Variants in LMO3 observed in about 807,000 individuals in gnomAD.
The protein encoded by LMO3 is LIM domain only 3.
In LMO3, 2 loss-of-function variants were observed where a neutral mutation model predicts 15.8. The observed-to-expected ratio is 0.13, with a 90% CI of 0.05 to 0.40. The LOEUF is 0.40. Ranked by LOEUF, LMO3 falls within the 10% of genes least tolerant of loss-of-function variation. The pLI is 0.99. For missense variants in LMO3, 86 were observed against 182.2 expected (o/e 0.47, Z 3.04); for synonymous variants, 62 against 63.8 (o/e 0.97, Z 0.13).
At chr12:16,575,688 G>A (rs947306659) in intron 2 of LMO3, among the ~76,000 whole-genome samples, 1 of 152,120 alleles carries the variant, frequency 6.6e-6, no homozygotes, top group Non-Finnish European at 1.5e-5. Context: ...TCCACACACT[G>A]AGCCATTTAG....
In LMO3 at chr12:16,581,549, G is replaced by C. The variant is rs529475846; in HGVS notation, c.206+19106C>G. On this transcript the variant is annotated intron_variant, in intron 2 of 3. Coordinates refer to ENST00000537304, the MANE Select transcript of LMO3 (RefSeq NM_018640.5). ...AGTTCCTATAACACTACCCATTATA[G>C]AGTAAATCCTCAAGAAATATTTGCC... 2.7e-4 allele frequency among the ~76,000 whole-genome samples: 41 copies of C among 152,202 alleles called. 1 individual carries two copies. In the South Asian group the frequency reaches 6.2e-3, roughly 23 times the overall value.
intron 2 of LMO3, among the ~76,000 whole-genome samples, chr12:16,565,804 A>G (rs895149978): frequency 1.3e-5 from 2 of 151,284 alleles, no homozygotes; most frequent in Non-Finnish European, 2.9e-5. Flanking sequence ...AAAAAATTAA[A>G]AACAGAACTA....
At chr12:16,565,845 T>TA (rs1942578647) in intron 2 of LMO3, among the ~76,000 whole-genome samples, 3 of 150,814 alleles carry the variant, frequency 2.0e-5, no homozygotes, top group Non-Finnish European at 4.4e-5. Context: ...ACTACTGGAT[T>TA]AAAAATCCCA....
intron 1 of LMO3, chr12:16,601,957 C>A (rs773328829): frequency 2.0e-5 from 3 of 152,124 alleles, no homozygotes; most frequent in Non-Finnish European, 4.4e-5. Flanking sequence ...TCATTTTAAG[C>A]ACTATAAAGT....
rs1207191270 is a variant in LMO3 at position 16,591,289 on chromosome 12, A to AATGTCCTT, written c.206+9358_206+9365dup. 1.3e-5 allele frequency among the ~76,000 whole-genome samples: 2 copies of AATGTCCTT among 151,888 alleles called. No individual in the cohort carries two copies. The highest frequency in any genetic ancestry group is 2.9e-5 in the Non-Finnish European group (2 of 67,948). The stretch of plus-strand genomic sequence containing the variant: ...TTGTACTGGATGTTCCTGAGCCCAG[A>AATGTCCTT]ATGTCCTTCCCATACGTGATCATGG... On this transcript the variant is annotated intron_variant, in intron 2 of 3. Transcript: ENST00000537304. The surrounding 1 kb of genome is among the most constrained non-coding windows in gnomAD (Gnocchi z 4.1).
At chr12:16,575,495 T>C (rs1044215779) in intron 2 of LMO3, among the ~76,000 whole-genome samples, 1 of 152,240 alleles carries the variant, frequency 6.6e-6, no homozygotes, top group East Asian at 1.9e-4. Context: ...AGAGCTAATG[T>C]TTATTGAGCC....
In LMO3 at chr12:16,582,982, G is replaced by T. The variant is rs1302321075; in HGVS notation, c.206+17673C>A. On this transcript the variant is annotated intron_variant, in intron 2 of 3. Coordinates refer to ENST00000537304, the MANE Select transcript of LMO3 (RefSeq NM_018640.5). This position sits in a 1 kb window ranked among gnomAD's most constrained non-coding sequence, Gnocchi z 4.1. ...AAATCTCTTGAAGCTGGGAGGCAGA[G>T]GTTGTAGTGAGCTGAGATCACTCCA... 6.6e-6 allele frequency among the ~76,000 whole-genome samples: 1 copy of T among 151,128 alleles called. No homozygotes were observed. Among genetic ancestry groups the T allele is most frequent in the African/African-American group, 2.4e-5 (1 of 41,076 alleles).
In LMO3 at chr12:16,579,155, C is replaced by G. The variant is rs1943085068; in HGVS notation, c.207-18617G>C. ...TTTTTTGAAGAGAACAACATGTTTT[C>G]TCTTCTAGCATTAAATTGTATATAT... On this transcript the variant is annotated intron_variant, in intron 2 of 3. Coordinates refer to ENST00000537304, the MANE Select transcript of LMO3 (RefSeq NM_018640.5). Among the ~76,000 whole-genome samples, 6 of 152,128 alleles carry G rather than the reference C, an allele frequency of 3.9e-5. No homozygotes were observed. In the South Asian group the frequency reaches 1.2e-3, roughly 32 times the overall value.
At chr12:16,605,558 A>G in intron 1 of LMO3, 1 of 621,010 alleles carries the variant, frequency 1.6e-6, no homozygotes, top group Middle Eastern at 4.5e-4. Context: ...AGATTGTAAT[A>G]TCAACTCTTT....
intron 2 of LMO3, among the ~76,000 whole-genome samples, chr12:16,571,172 T>C (rs1266725552): frequency 6.6e-6 from 1 of 152,106 alleles, no homozygotes; most frequent in Non-Finnish European, 1.5e-5. Flanking sequence ...GGGCATTGTG[T>C]CACCTATTGT....
At chr12:16,551,592 GC>G (rs1941991510) in intron 3 of LMO3, among the ~76,000 whole-genome samples, 1 of 144,694 alleles carries the variant, frequency 6.9e-6, no homozygotes, top group Non-Finnish European at 1.5e-5. Flanking sequence ...AAGATGACTT[GC>G]TTTTTTTTTT....
chr12:16,554,147 T>C (rs1311766089), intron 3 of LMO3, among the ~76,000 whole-genome samples: 1 of 152,212 alleles, frequency 6.6e-6, no homozygotes, highest in East Asian at 1.9e-4. Flanking sequence ...TGACTTCATA[T>C]AGTCTTAGAG....
intron 2 of LMO3, among the ~76,000 whole-genome samples, chr12:16,563,273 A>G (rs79095450): frequency 0.034 from 5,180 of 152,222 alleles, 303 homozygotes; most frequent in African/African-American, 0.12. Context: ...TTGTCCAAGG[A>G]TCAAGAGATC....
At chr12:16,601,062 A>G (rs1002210223) in intron 1 of LMO3, among the ~76,000 whole-genome samples, 194 bp from the exon 2 acceptor site, 5 of 152,220 alleles carry the variant, frequency 3.3e-5, no homozygotes, top group African/African-American at 1.2e-4. Flanking sequence ...AATCATTCAA[A>G]AAGTTACACA....
chr12:16,595,551 G>C (rs565343180), intron 2 of LMO3, among the ~76,000 whole-genome samples: 13 of 151,282 alleles, frequency 8.6e-5, no homozygotes, highest in African/African-American at 1.9e-4. Flanking sequence ...TAGTATAAAC[G>C]CTAAAATATT....
At chr12:16,601,103 T>G (rs1235007746) in intron 1 of LMO3, among the ~76,000 whole-genome samples, 1 of 152,196 alleles carries the variant, frequency 6.6e-6, no homozygotes, top group Non-Finnish European at 1.5e-5. Context: ...AAATTCATGT[T>G]GACCATGGTA....
chr12:16,587,166 T>G lies in LMO3; in HGVS notation c.206+13489A>C, dbSNP rs1002368183. Among the ~76,000 whole-genome samples, 1 of 152,182 alleles carries G rather than the reference T, an allele frequency of 6.6e-6. No individual in the cohort carries two copies. The highest frequency in any genetic ancestry group is 1.5e-5 in the Non-Finnish European group (1 of 68,026). ...ATAGCAATTGTGGGTGCTGCTGACC[T>G]GTCAATCTCAAATATATTCATAAGC... is the stretch of plus-strand genomic sequence containing the variant. On this transcript the variant is annotated intron_variant, in intron 2 of 3. Coordinates refer to ENST00000537304, the MANE Select transcript of LMO3 (RefSeq NM_018640.5). The surrounding 1 kb of genome is among the most constrained non-coding windows in gnomAD (Gnocchi z 4.3).
In LMO3 at chr12:16,560,493, G is replaced by A. The variant is rs767665466; in HGVS notation, c.252C>T (p.Ile84=). Reference sequence around the variant, plus strand: ...CACGCATCACCATCTCAAAGGCAGGGATGAGCTTACTACAGGCAGCGCAGT... The same window carrying A: ...CACGCATCACCATCTCAAAGGCAGGAATGAGCTTACTACAGGCAGCGCAGT... The part of the protein sequence containing the change: ...TGNCAACSKL[I]PAFEMVMRAK... The change falls in exon 3 of 4, where the codon ATC becomes ATT. Residue 84 remains isoleucine, a synonymous_variant. Transcript: ENST00000537304. This position sits in a 1 kb window ranked among gnomAD's most constrained non-coding sequence, Gnocchi z 5.0. The A allele has an allele frequency of 3.1e-6, 5 of 1,613,826 alleles. No homozygotes were observed. Among genetic ancestry groups the A allele is most frequent in the Non-Finnish European group, 3.4e-6 (4 of 1,179,842 alleles).
intron 3 of LMO3, among the ~76,000 whole-genome samples, chr12:16,558,487 T>A (rs979504826): frequency 6.6e-6 from 1 of 152,200 alleles, no homozygotes; most frequent in South Asian, 2.1e-4. Context: ...ATAAAATACA[T>A]ATATACATGC....
Sources: allele counts gnomAD v4.1 joint callset (sites outside exome capture counted in the v4.1 genomes callset), GRCh38; gene constraint gnomAD v4.1.1; non-coding constraint Gnocchi (gnomAD v3.1); transcripts MANE v1.5; gene names NCBI Gene and HGNC (gene_info 2026-07-23, HGNC 2026-07-21).